CCDC33: variants seen among roughly 807,000 people sequenced by gnomAD.
The protein encoded by CCDC33 is coiled-coil domain-containing protein 33.
Under a neutral mutation model 91.9 loss-of-function variants are expected in CCDC33, and 94 were observed. The observed-to-expected ratio is 1.02, with a 90% CI of 0.87 to 1.21. The LOEUF (loss-of-function observed/expected upper bound fraction) is 1.21, where lower values mean the gene tolerates loss of function less well. CCDC33 is among the 50% of genes most tolerant of loss of function. The pLI is 0.00. For synonymous variants in CCDC33, 396 were observed against 374.5 expected (o/e 1.06, Z -0.66); for missense variants, 940 against 935.5 (o/e 1.00, Z -0.06).
chr15:74,204,389 G>T lies in CCDC33; in HGVS notation n.89+1291G>T, dbSNP rs190992183. Among the ~76,000 whole-genome samples, 4 of 152,276 alleles carry T rather than the reference G, an allele frequency of 2.6e-5. No individual in the cohort carries two copies. In the East Asian group the frequency reaches 7.7e-4, roughly 29 times the overall value. ...GTTCTGGCGGCCAGTATTCATTTGT[G>T]GGCCTGTCCTATACAGGCGGCTGCT... On this transcript the variant is annotated intron_variant and non_coding_transcript_variant, in intron 1 of 3. Coordinates refer to the CCDC33 transcript ENST00000558645.
intron 2 of CCDC33, chr15:74,221,432 C>T (rs1567212612): frequency 1.8e-6 from 1 of 556,810 alleles, no homozygotes; most frequent in Admixed American, 6.4e-5. Context: ...GCTTCTCAGC[C>T]ACGGCCCCTG....
At chr15:74,257,006 C>T (rs1264264199) in intron 2 of CCDC33, among the ~76,000 whole-genome samples, 2 of 152,182 alleles carry the variant, frequency 1.3e-5, no homozygotes, top group Non-Finnish European at 2.9e-5. Flanking sequence ...CTTTCTTTTT[C>T]CCAGAGCAGC....
chr15:74,320,505 C>A (rs778404348), intron 11 of CCDC33, among the ~76,000 whole-genome samples: 6 of 152,232 alleles, frequency 3.9e-5, no homozygotes, highest in Non-Finnish European at 8.8e-5. Context: ...TCTCCCCACC[C>A]CCAACAGAGC....
intron 16 of CCDC33, among the ~76,000 whole-genome samples, chr15:74,333,612 C>T (rs1416161659): frequency 6.6e-6 from 1 of 152,186 alleles, no homozygotes; most frequent in African/African-American, 2.4e-5. Context: ...TTATAGGGGG[C>T]TCCCTAATGC....
chr15:74,291,692 T>C (rs1049817641), intron 10 of CCDC33, among the ~76,000 whole-genome samples: 2 of 152,136 alleles, frequency 1.3e-5, no homozygotes, highest in East Asian at 1.9e-4. Flanking sequence ...TAGTCAGTAA[T>C]TGTGGGGCAG....
chr15:74,271,616 A>G (rs1229044670), intron 5 of CCDC33, 87 bp from the exon 6 acceptor site: 1 of 953,496 alleles, frequency 1.0e-6, no homozygotes, highest in Non-Finnish European at 1.7e-6. Flanking sequence ...CGGATGGGGA[A>G]AAAGAGGGTA....
rs745334657 is a variant in CCDC33, at chr15:74,332,801, C to G, written c.1894C>G (p.Arg632Gly). ...GCTGCGGACGGAGCTGGATAAGAAC[C>G]GCCACCAGCAGGCCCCCATCATTCT... ...AKLRTELDKN[R>G]HQQAPIILQQ... Residue 632 changes from arginine (R) to glycine (G), a missense_variant, in exon 16 of 19, where the codon CGC becomes GGC. Physicochemically the swap from Arg to Gly is moderately radical, Grantham distance 125. Transcript: ENST00000398814. 2 of 1,614,064 alleles carry G rather than the reference C, an allele frequency of 1.2e-6. No individual in the cohort carries two copies. Among genetic ancestry groups the G allele is most frequent in the African/African-American group, 2.7e-5 (2 of 74,924 alleles).
intron 7 of CCDC33, 136 bp downstream of exon 7, chr15:74,273,027 T>C: frequency 1.7e-6 from 2 of 1,169,816 alleles, no homozygotes; most frequent in East Asian, 4.8e-5. Flanking sequence ...TACCCAGTGC[T>C]GTGCTCGCCT....
At chr15:74,208,324 A>C (rs1331208272) in intron 1 of CCDC33, among the ~76,000 whole-genome samples, 12 of 152,182 alleles carry the variant, frequency 7.9e-5, no homozygotes, top group African/African-American at 2.4e-4. Flanking sequence ...ACACAAGGCC[A>C]TGAAGATTCC....
At position 74,244,126 on chromosome 15, in the gene CCDC33, G is replaced by A. The variant is rs201658615; in HGVS notation, c.163G>A (p.Glu55Lys). The change falls in exon 2 of 19, where the codon GAG (glutamate) becomes AAG (lysine). Residue 55 changes from glutamate to lysine, a missense_variant. Transcript: ENST00000398814. The surrounding 1 kb of genome is among the most constrained non-coding windows in gnomAD (Gnocchi z 4.2). ...TNLPACKDGSEPWPYVVVKST... is the reference protein window; with the variant it reads ...TNLPACKDGSKPWPYVVVKST... Reference sequence around the variant, plus strand: ...CCTGCCTGCCTGCAAGGATGGCTCCGAGCCGTGGCCCTATGTGGTGGTGTA... The same window carrying A: ...CCTGCCTGCCTGCAAGGATGGCTCCAAGCCGTGGCCCTATGTGGTGGTGTA... 2.7e-5 allele frequency: 44 copies of A among 1,613,200 alleles called. No homozygotes were observed. The highest frequency in any genetic ancestry group is 3.2e-5 in the Non-Finnish European group (38 of 1,179,534).
At chr15:74,261,412 G>A (rs2076020375) in intron 2 of CCDC33, among the ~76,000 whole-genome samples, 1 of 152,234 alleles carries the variant, frequency 6.6e-6, no homozygotes, top group African/African-American at 2.4e-5. Flanking sequence ...GCACAGAGAA[G>A]GTGGGGTCTG....
At chr15:74,246,417 G>A (rs1463440190) in intron 2 of CCDC33, among the ~76,000 whole-genome samples, 1 of 152,212 alleles carries the variant, frequency 6.6e-6, no homozygotes, top group African/African-American at 2.4e-5. Flanking sequence ...TGCAAAACAT[G>A]TATCGGATAA....
At chr15:74,275,211 G>C (rs2076420313) in intron 7 of CCDC33, among the ~76,000 whole-genome samples, 1 of 152,234 alleles carries the variant, frequency 6.6e-6, no homozygotes, top group Non-Finnish European at 1.5e-5. Flanking sequence ...TTTGACCTGG[G>C]TTTGACCCCA....
chr15:74,280,036 C>G lies in CCDC33; in HGVS notation c.833C>G (p.Ala278Gly), dbSNP rs762561864. ...QSFLFQGRDG[A>G]TSFSEDTALV... The stretch of plus-strand genomic sequence containing the variant: ...TTCCTCTTCCAAGGCCGAGATGGAG[C>G]TACCAGCTTCTCAGAAGACACAGCC... Residue 278 changes from alanine (A) to glycine (G), a missense_variant, in exon 8 of 19, where the codon GCT becomes GGT. Transcript: ENST00000398814. 1.2e-5 allele frequency: 19 copies of G among 1,614,174 alleles called. No individual in the cohort carries two copies. Among genetic ancestry groups the G allele is most frequent in the Non-Finnish European group, 1.5e-5 (18 of 1,180,010 alleles).
chr15:74,330,163 T>A, intron 11 of CCDC33, 26 bp from the exon 12 acceptor site: 1 of 1,565,756 alleles, frequency 6.4e-7, no homozygotes, highest in Non-Finnish European at 8.7e-7. Context: ...GGCAGTGGGC[T>A]CAGCTCTGGG....
chr15:74,228,243 A>C (rs2074861756), intron 2 of CCDC33, among the ~76,000 whole-genome samples: 1 of 152,150 alleles, frequency 6.6e-6, no homozygotes, highest in South Asian at 2.1e-4. Context: ...AAAGGCAGAG[A>C]GGAGAGTAGT....
At chr15:74,275,592 C>T (rs1596004580) in intron 7 of CCDC33, among the ~76,000 whole-genome samples, 1 of 152,144 alleles carries the variant, frequency 6.6e-6, no homozygotes, top group Non-Finnish European at 1.5e-5. Context: ...TCCAACACCC[C>T]GAATTACCAT....
chr15:74,320,681 C>CA (rs2060188850), intron 11 of CCDC33, among the ~76,000 whole-genome samples: 5 of 152,174 alleles, frequency 3.3e-5, no homozygotes, highest in African/African-American at 9.7e-5. Context: ...CAGGCTCCCA[C>CA]CCCCAGGGCA....
At position 74,311,113 on chromosome 15, in the gene CCDC33, C is replaced by A. The variant is rs143140213; in HGVS notation, c.1290+15165C>A. 2.6e-5 allele frequency among the ~76,000 whole-genome samples: 4 copies of A among 152,220 alleles called. No individual in the cohort carries two copies. The East Asian group carries it at 7.7e-4, about 29-fold the overall frequency. ...GGCAGGACGGGTGGTCTCACCCCAC[C>A]TCTGCTCTCCTGTGACACTGAGCTC... On this transcript the variant is annotated intron_variant, in intron 11 of 18. Coordinates refer to ENST00000398814, the MANE Select transcript of CCDC33 (RefSeq NM_025055.5).
Sources: allele counts gnomAD v4.1 joint callset (sites outside exome capture counted in the v4.1 genomes callset), GRCh38; gene constraint gnomAD v4.1.1; non-coding constraint Gnocchi (gnomAD v3.1); transcripts MANE v1.5; gene names NCBI Gene and HGNC (gene_info 2026-07-23, HGNC 2026-07-21).